Variants in ANKS1B observed in about 807,000 individuals in gnomAD.
ANKS1B encodes ankyrin repeat and sterile alpha motif domain-containing protein 1B.
Under a neutral mutation model 148.3 loss-of-function variants are expected in ANKS1B, and 36 were observed. The observed-to-expected ratio is 0.24, with a 90% CI of 0.19 to 0.32. ANKS1B has a LOEUF of 0.32. ANKS1B is among the 10% of genes least tolerant of loss of function. The pLI is 1.00. For missense variants in ANKS1B, 1,157 were observed against 1,542.6 expected (o/e 0.75, Z 4.19); for synonymous variants, 542 against 560.8 (o/e 0.97, Z 0.47).
At chr12:99,133,205 C>A (rs2066741685) in intron 15 of ANKS1B, among the ~76,000 whole-genome samples, 1 of 151,950 alleles carries the variant, frequency 6.6e-6, no homozygotes, top group Admixed American at 6.6e-5. Context: ...GAACATGCCA[C>A]CACGCCCAGC....
In ANKS1B at chr12:99,768,585, T is replaced by G. The variant is rs189418337; in HGVS notation, c.1128+4337A>C. Among the ~76,000 whole-genome samples, 301 of 152,112 alleles carry G rather than the reference T, an allele frequency of 2.0e-3. 1 individual carries two copies. Among genetic ancestry groups the G allele is most frequent in the African/African-American group, 6.8e-3 (282 of 41,492 alleles). On this transcript the variant is annotated intron_variant, in intron 8 of 26. Transcript: ENST00000683438. ...GCTCACACCTGTAATCCCAGCACTT[T>G]GGGAAGCCGAGGCAGGCAGATCACA...
chr12:98,939,016 C>T (rs542245200), intron 17 of ANKS1B, among the ~76,000 whole-genome samples: 175 of 152,336 alleles, frequency 1.1e-3, no homozygotes, highest in Admixed American at 2.1e-3. Flanking sequence ...TTGCAACTAA[C>T]ACCTTTTTTC....
intron 15 of ANKS1B, among the ~76,000 whole-genome samples, chr12:99,122,019 A>T (rs1411000475): frequency 6.6e-6 from 1 of 152,162 alleles, no homozygotes; most frequent in East Asian, 1.9e-4. Flanking sequence ...GTATTATTTT[A>T]AAAATTGTGT....
At chr12:99,534,802 C>T (rs566231616) in intron 9 of ANKS1B, among the ~76,000 whole-genome samples, 23 of 150,840 alleles carry the variant, frequency 1.5e-4, no homozygotes, top group Middle Eastern at 3.4e-3. Context: ...CTCCACCTCC[C>T]GGGTTTACCC....
At chr12:99,049,322 A>C (rs146124599) in intron 17 of ANKS1B, among the ~76,000 whole-genome samples, 118 of 151,982 alleles carry the variant, frequency 7.8e-4, no homozygotes, top group African/African-American at 2.5e-3. Flanking sequence ...ACACACACAC[A>C]CCCACACACT....
chr12:99,432,282 A>G (rs916680449), intron 11 of ANKS1B, among the ~76,000 whole-genome samples: 2 of 152,238 alleles, frequency 1.3e-5, no homozygotes, highest in Admixed American at 1.3e-4. Context: ...GTGAACTAAG[A>G]CTTCACCTAT....
chr12:99,847,478 T>C (rs1045087342), intron 1 of ANKS1B, among the ~76,000 whole-genome samples: 4 of 152,170 alleles, frequency 2.6e-5, no homozygotes, highest in Non-Finnish European at 4.4e-5. Flanking sequence ...ACCCTCATTC[T>C]AGAAGGAGTC....
At chr12:98,845,285 C>A (rs191540254) in intron 17 of ANKS1B, among the ~76,000 whole-genome samples, 4 of 152,208 alleles carry the variant, frequency 2.6e-5, no homozygotes, top group African/African-American at 4.8e-5. Context: ...GGATTTGAAT[C>A]CAGTTCCGAC....
At position 99,462,548 on chromosome 12, in the gene ANKS1B, T is replaced by C. The variant is rs544996928; in HGVS notation, c.1439-18739A>G. Among the ~76,000 whole-genome samples the C allele has an allele frequency of 3.3e-5, 5 of 152,352 alleles. No homozygotes were observed. In the South Asian group the frequency reaches 1.0e-3, roughly 32 times the overall value. ...AGTCAGCTTTCTGGTGAATCCATCT[T>C]GGATTGAACTCAGTTGTTCTCAGTG... On this transcript the variant is annotated intron_variant, in intron 10 of 26. Transcript: ENST00000683438.
intron 11 of ANKS1B, among the ~76,000 whole-genome samples, chr12:99,405,404 T>C (rs1462282998): frequency 6.8e-6 from 1 of 146,082 alleles, no homozygotes; most frequent in Admixed American, 6.8e-5. Context: ...ACAAAGTTAA[T>C]GGCTACAATA....
chr12:99,434,383 C>A (rs2095426706), intron 11 of ANKS1B, among the ~76,000 whole-genome samples: 1 of 152,104 alleles, frequency 6.6e-6, no homozygotes, highest in Non-Finnish European at 1.5e-5. Context: ...ATAAATTTAA[C>A]CAGCTTTACA....
At chr12:99,585,413 G>A (rs1445047385) in intron 9 of ANKS1B, among the ~76,000 whole-genome samples, 7 of 152,096 alleles carry the variant, frequency 4.6e-5, no homozygotes, top group East Asian at 3.9e-4. Flanking sequence ...CCCCCCTCCC[G>A]GCTACTTTCA....
chr12:98,917,804 C>T (rs1294585404), intron 17 of ANKS1B, among the ~76,000 whole-genome samples: 2 of 152,158 alleles, frequency 1.3e-5, no homozygotes, highest in African/African-American at 2.4e-5. Flanking sequence ...AGGCTAAGAA[C>T]GAACATGTGT....
At chr12:99,202,050 G>A (rs2082130864) in intron 14 of ANKS1B, among the ~76,000 whole-genome samples, 2 of 152,164 alleles carry the variant, frequency 1.3e-5, no homozygotes, top group Admixed American at 6.6e-5. Flanking sequence ...ATAATCCACA[G>A]TCTAGAAGAA....
chr12:99,351,823 A>G (rs995815999), intron 12 of ANKS1B, among the ~76,000 whole-genome samples: 3 of 152,124 alleles, frequency 2.0e-5, no homozygotes, highest in Non-Finnish European at 2.9e-5. Context: ...ACATACATCA[A>G]TAAGATAAAG....
At chr12:99,909,889 A>C (rs1338185153) in intron 1 of ANKS1B, among the ~76,000 whole-genome samples, 2 of 152,032 alleles carry the variant, frequency 1.3e-5, no homozygotes, top group South Asian at 2.1e-4. Context: ...TATAGTGACT[A>C]TTTCTCCTGG....
chr12:99,760,671 G>T (rs1453791556), intron 8 of ANKS1B, among the ~76,000 whole-genome samples: 12 of 151,144 alleles, frequency 7.9e-5, no homozygotes, highest in Non-Finnish European at 4.4e-5. Context: ...CAGAAGAAAA[G>T]AAATAAATAA....
intron 26 of ANKS1B, among the ~76,000 whole-genome samples, chr12:98,746,612 A>G (rs1183784262): frequency 6.6e-6 from 1 of 152,074 alleles, no homozygotes; most frequent in African/African-American, 2.4e-5. Flanking sequence ...TTCATCCTCC[A>G]CTGCCACGTA....
intron 12 of ANKS1B, among the ~76,000 whole-genome samples, chr12:99,250,237 C>T (rs923013495): frequency 1.3e-5 from 2 of 152,148 alleles, no homozygotes; most frequent in Admixed American, 6.5e-5. Context: ...GTCATTAGAG[C>T]AGGTGAATGA....
Sources: allele counts gnomAD v4.1 joint callset (sites outside exome capture counted in the v4.1 genomes callset), GRCh38; gene constraint gnomAD v4.1.1; transcripts MANE v1.5; gene names NCBI Gene and HGNC (gene_info 2026-07-23, HGNC 2026-07-21).